NUDCD3: variants seen among roughly 807,000 people sequenced by gnomAD.
NUDCD3 encodes the protein NudC domain containing 3.
A neutral mutation model predicts 39.7 loss-of-function variants in NUDCD3; 13 were observed. That is an observed-to-expected ratio of 0.33 (90% CI 0.21 to 0.52). The LOEUF (loss-of-function observed/expected upper bound fraction) is 0.52, where lower values mean the gene tolerates loss of function less well. Among genes scored for constraint, NUDCD3 ranks in the 20% least tolerant of loss-of-function variants. The pLI is 0.96. For synonymous variants in NUDCD3, 175 were observed against 172.4 expected (o/e 1.02, Z -0.12); for missense variants, 453 against 458.1 (o/e 0.99, Z 0.10).
chr7:44,451,414 T>C (rs1157948924), intron 2 of NUDCD3, among the ~76,000 whole-genome samples: 3 of 152,194 alleles, frequency 2.0e-5, no homozygotes, highest in Non-Finnish European at 4.4e-5. Flanking sequence ...TCAATGGCGA[T>C]GATGGTTGCA....
intron 2 of NUDCD3, among the ~76,000 whole-genome samples, chr7:44,454,248 A>G (rs1388755226): frequency 6.6e-6 from 1 of 152,188 alleles, no homozygotes; most frequent in Non-Finnish European, 1.5e-5. Context: ...CTGAGGCAGG[A>G]GAATGGCATG....
At chr7:44,459,262 G>A (rs1351267928) in intron 2 of NUDCD3, among the ~76,000 whole-genome samples, 2 of 150,564 alleles carry the variant, frequency 1.3e-5, no homozygotes, top group Non-Finnish European at 3.0e-5. Flanking sequence ...GCAGTGGCAC[G>A]ATCATGGCCC....
intron 1 of NUDCD3, among the ~76,000 whole-genome samples, chr7:44,487,135 A>G (rs1454739925): frequency 6.6e-6 from 1 of 152,238 alleles, no homozygotes; most frequent in Non-Finnish European, 1.5e-5. Context: ...TTGTCAGTCT[A>G]AACGATTTTT....
intron 2 of NUDCD3, among the ~76,000 whole-genome samples, chr7:44,468,517 G>A (rs1233605753): frequency 6.6e-6 from 1 of 151,978 alleles, no homozygotes; most frequent in African/African-American, 2.4e-5. Flanking sequence ...TTTTAAAAGG[G>A]GGAAAAAGAC....
chr7:44,476,368 G>A (rs1800369243), intron 2 of NUDCD3, among the ~76,000 whole-genome samples: 2 of 152,208 alleles, frequency 1.3e-5, no homozygotes, highest in South Asian at 4.1e-4. Flanking sequence ...CCAAAGTAAT[G>A]TTATTTGGAG....
At chr7:44,466,283 C>G (rs1028514767) in intron 2 of NUDCD3, among the ~76,000 whole-genome samples, 3 of 152,218 alleles carry the variant, frequency 2.0e-5, no homozygotes, top group Non-Finnish European at 4.4e-5. Flanking sequence ...CTCAAGAGGA[C>G]ACTGCCAACC....
intron 2 of NUDCD3, among the ~76,000 whole-genome samples, chr7:44,432,985 C>A (rs1233027536): frequency 6.6e-6 from 1 of 152,154 alleles, no homozygotes; most frequent in Non-Finnish European, 1.5e-5. Flanking sequence ...GAGGTAAGGC[C>A]TTTAGAAGGT....
At chr7:44,408,628 G>T (rs1798870900) in intron 3 of NUDCD3, among the ~76,000 whole-genome samples, 1 of 152,152 alleles carries the variant, frequency 6.6e-6, no homozygotes. Context: ...CAACCAAAAA[G>T]TTGGCAAAAA....
rs116630832 is a variant in NUDCD3 at position 44,406,976 on chromosome 7, C to T, written c.643-2393G>A. Among the ~76,000 whole-genome samples the T allele has an allele frequency of 6.7e-3, 1,013 of 152,212 alleles. 10 individuals are homozygous for T. Among genetic ancestry groups the T allele is most frequent in the African/African-American group, 0.023 (953 of 41,524 alleles). On this transcript the variant is annotated intron_variant, in intron 3 of 5. Transcript: ENST00000355451. Reference sequence around the variant, plus strand: ...ATGTGGGAACTGCTGTGGCCCTGGACGCCCCACTGAAAGGGACAGGAATCC... The same window carrying T: ...ATGTGGGAACTGCTGTGGCCCTGGATGCCCCACTGAAAGGGACAGGAATCC...
chr7:44,437,981 A>AT (rs1282508528), intron 2 of NUDCD3, among the ~76,000 whole-genome samples: 11 of 152,092 alleles, frequency 7.2e-5, no homozygotes, highest in African/African-American at 2.6e-4. Flanking sequence ...AGGCTTCCTA[A>AT]TTTTTTAGCA....
intron 2 of NUDCD3, among the ~76,000 whole-genome samples, chr7:44,477,246 G>A (rs1348703991): frequency 6.6e-6 from 1 of 152,168 alleles, no homozygotes; most frequent in Middle Eastern, 3.2e-3. Context: ...TGGACCCAGG[G>A]CCCTGTCACT....
intron 2 of NUDCD3, among the ~76,000 whole-genome samples, chr7:44,461,869 G>A (rs374084477): frequency 7.5e-4 from 114 of 152,246 alleles, no homozygotes; most frequent in African/African-American, 2.6e-3. Flanking sequence ...GGAGAAGGGA[G>A]GAAGGGGTCC....
intron 3 of NUDCD3, among the ~76,000 whole-genome samples, chr7:44,411,047 A>G (rs1798914151): frequency 6.6e-6 from 1 of 152,240 alleles, no homozygotes; most frequent in Non-Finnish European, 1.5e-5. Context: ...ATGGGAAAAG[A>G]ATAGTATTTT....
At chr7:44,463,955 T>C (rs1425180309) in intron 2 of NUDCD3, among the ~76,000 whole-genome samples, 6 of 152,166 alleles carry the variant, frequency 3.9e-5, no homozygotes, top group Non-Finnish European at 8.8e-5. Context: ...GGCTCACGCC[T>C]GTGATCCCAG....
chr7:44,406,951 A>G (rs1197306546), intron 3 of NUDCD3, among the ~76,000 whole-genome samples: 3 of 152,182 alleles, frequency 2.0e-5, no homozygotes, highest in African/African-American at 7.2e-5. Flanking sequence ...CCAGGGGCAC[A>G]TGTGGGAACT....
intron 2 of NUDCD3, among the ~76,000 whole-genome samples, chr7:44,480,512 T>C (rs1042710098): frequency 1.3e-5 from 2 of 152,198 alleles, no homozygotes; most frequent in African/African-American, 4.8e-5. Flanking sequence ...CATGAAAATA[T>C]CTGTATAAGT....
intron 2 of NUDCD3, among the ~76,000 whole-genome samples, chr7:44,482,151 G>A (rs551302525): frequency 3.9e-5 from 6 of 152,280 alleles, no homozygotes; most frequent in East Asian, 3.9e-4. Context: ...AGGAGGCTGC[G>A]CATAGAAAGA....
intron 5 of NUDCD3, among the ~76,000 whole-genome samples, chr7:44,391,195 G>T (rs1188632730): frequency 1.3e-5 from 2 of 152,262 alleles, no homozygotes; most frequent in East Asian, 3.9e-4. Context: ...TATTTTCAGG[G>T]GTACTGTGCA....
At position 44,430,531 on chromosome 7, in the gene NUDCD3, G is replaced by A. The variant is rs1799336687; in HGVS notation, c.510-2828C>T. Among the ~76,000 whole-genome samples, 5 of 150,492 alleles carry A rather than the reference G, an allele frequency of 3.3e-5. No individual in the cohort carries two copies. In the South Asian group the frequency reaches 1.0e-3, roughly 32 times the overall value. ...TTACCATTTGAAAAAAGTCAAAATT[G>A]TGAAAATATATAAATAAAATACCCA... is the stretch of plus-strand genomic sequence containing the variant. On this transcript the variant is annotated intron_variant, in intron 2 of 5. Transcript: ENST00000355451.
Sources: allele counts gnomAD v4.1 joint callset (sites outside exome capture counted in the v4.1 genomes callset), GRCh38; gene constraint gnomAD v4.1.1; transcripts MANE v1.5; gene names NCBI Gene and HGNC (gene_info 2026-07-23, HGNC 2026-07-21).